Variants in CDH13 observed in about 807,000 individuals in gnomAD.
CDH13 encodes the protein cadherin 13.
A neutral mutation model predicts 63.8 loss-of-function variants in CDH13; 24 were observed. The ratio of observed to expected loss-of-function variants is 0.38; its 90% CI spans 0.27 to 0.53. The LOEUF (loss-of-function observed/expected upper bound fraction) is 0.53. CDH13 is among the 20% of genes least tolerant of loss of function. The pLI, the probability that CDH13 is intolerant of heterozygous loss-of-function variation, is 0.85. For missense variants in CDH13, 1,049 were observed against 903.1 expected, an observed-to-expected ratio of 1.16 and a Z score of -2.07; for synonymous variants, 503 against 355.3, an observed-to-expected ratio of 1.42 and a Z score of -4.67.
chr16:83,636,529 C>G (rs182245047), intron 8 of CDH13, among the ~76,000 whole-genome samples: 4 of 152,146 alleles, frequency 2.6e-5, no homozygotes, highest in Admixed American at 1.3e-4. Context: ...GACTGAGAAC[C>G]TGCAGTGTTT....
chr16:83,108,161 G>A (rs1177861135), intron 3 of CDH13, among the ~76,000 whole-genome samples: 1 of 151,888 alleles, frequency 6.6e-6, no homozygotes, highest in Admixed American at 6.6e-5. Flanking sequence ...TTCATTCCCC[G>A]GGTATGTAGT....
intron 2 of CDH13, among the ~76,000 whole-genome samples, chr16:82,927,014 G>C (rs1197511604): frequency 7.8e-6 from 1 of 127,800 alleles, no homozygotes; most frequent in Non-Finnish European, 1.9e-5. Flanking sequence ...AGGGTAGCTT[G>C]AAGGCTGGGG....
chr16:83,678,540 C>T (rs1915151685), intron 10 of CDH13, 79 bp downstream of exon 10: 2 of 1,510,320 alleles, frequency 1.3e-6, no homozygotes, highest in Non-Finnish European at 9.1e-7. Context: ...AGCTGGTTGT[C>T]AGGAGCAGAC....
chr16:83,384,139 C>A (rs2091625630), intron 6 of CDH13, among the ~76,000 whole-genome samples: 1 of 152,138 alleles, frequency 6.6e-6, no homozygotes, highest in South Asian at 2.1e-4. Flanking sequence ...CAATTCCAAT[C>A]TAATATCTAA....
intron 5 of CDH13, among the ~76,000 whole-genome samples, chr16:83,333,881 A>C (rs531360246): frequency 1.3e-5 from 2 of 152,318 alleles, no homozygotes; most frequent in African/African-American, 4.8e-5. Flanking sequence ...TGGCCACTGT[A>C]TTAATGTCCT....
chr16:83,206,250 G>A (rs563785261), intron 4 of CDH13, among the ~76,000 whole-genome samples: 1 of 152,134 alleles, frequency 6.6e-6, no homozygotes, highest in African/African-American at 2.4e-5. Context: ...AAGCCCTCTG[G>A]CCGTGATTTC....
chr16:82,875,689 A>G (rs908421383), intron 2 of CDH13, among the ~76,000 whole-genome samples: 8 of 152,226 alleles, frequency 5.3e-5, no homozygotes, highest in Admixed American at 5.2e-4. Context: ...CAAAGATTTT[A>G]TCTATCTCAA....
intron 1 of CDH13, among the ~76,000 whole-genome samples, chr16:82,775,580 C>T (rs2035456300): frequency 6.6e-6 from 1 of 152,126 alleles, no homozygotes. Context: ...ACTCTGTTAT[C>T]CCCCATTTTA....
At chr16:83,568,175 C>G (rs191482074) in intron 7 of CDH13, among the ~76,000 whole-genome samples, 17 of 151,288 alleles carry the variant, frequency 1.1e-4, no homozygotes, top group Non-Finnish European at 1.0e-4. Flanking sequence ...AAATGACACT[C>G]ACCCCAAAAC....
chr16:83,187,007 G>T (rs558410294), intron 4 of CDH13, among the ~76,000 whole-genome samples: 10 of 151,816 alleles, frequency 6.6e-5, no homozygotes, highest in Admixed American at 5.9e-4. Context: ...GTCTCGCTCT[G>T]TCACCCAGGC....
chr16:83,025,378 G>A (rs957855783), intron 2 of CDH13, among the ~76,000 whole-genome samples: 1 of 152,118 alleles, frequency 6.6e-6, no homozygotes, highest in Admixed American at 6.6e-5. Context: ...GCATGGCTGG[G>A]GAGGCCTCAG....
At position 82,954,758 on chromosome 16, in the gene CDH13, A is replaced by C. The variant is rs1416314488; in HGVS notation, c.158-77252A>C. The C allele has an allele frequency of 3.3e-5, 5 of 151,930 alleles. No individual in the cohort carries two copies. The East Asian group carries it at 9.7e-4, about 29-fold the overall frequency. 9.4% of individuals were successfully genotyped at this position (151,930 alleles called of 1,614,324 possible). ...TATTTTTTAAATCTCCTGGAAAAAA[A>C]AAAAAACACTATCCTGAGTCATACC... is the stretch of plus-strand genomic sequence containing the variant. On this transcript the variant is annotated intron_variant, in intron 2 of 13. Coordinates refer to ENST00000567109, the MANE Select transcript of CDH13 (RefSeq NM_001257.5).
intron 10 of CDH13, among the ~76,000 whole-genome samples, chr16:83,714,150 C>T (rs1228023882): frequency 1.3e-5 from 2 of 152,150 alleles, no homozygotes; most frequent in Non-Finnish European, 2.9e-5. Context: ...ATAGATGCCG[C>T]AGAAGCCACA....
chr16:82,718,972 C>T lies in CDH13; in HGVS notation c.45+91835C>T, dbSNP rs540452045. 1.4e-3 allele frequency among the ~76,000 whole-genome samples: 219 copies of T among 152,240 alleles called. 1 individual carries two copies. The highest frequency in any genetic ancestry group is 2.3e-3 in the Non-Finnish European group (159 of 68,016). On this transcript the variant is annotated intron_variant, in intron 1 of 13. Transcript: ENST00000567109. ...TGGTGCGTGTTGGATGCATGTGGTC[C>T]GTATCTGTTCTGGTTGATTGATGCC...
intron 1 of CDH13, among the ~76,000 whole-genome samples, chr16:82,850,934 A>G (rs188257): frequency 0.89 from 136,103 of 152,252 alleles, 61,929 homozygotes; most frequent in East Asian, 0.99. Flanking sequence ...TAGTATAAAC[A>G]TAACTTTTAT....
chr16:82,978,320 C>G (rs115569729), intron 2 of CDH13, among the ~76,000 whole-genome samples: 58 of 152,330 alleles, frequency 3.8e-4, no homozygotes, highest in African/African-American at 1.4e-3. Flanking sequence ...AAATTCAAGG[C>G]TGTTGCAGAA....
chr16:82,855,282 G>A (rs2151160447), intron 1 of CDH13, among the ~76,000 whole-genome samples: 1 of 152,208 alleles, frequency 6.6e-6, no homozygotes, highest in Non-Finnish European at 1.5e-5. Context: ...AGACAAAGAT[G>A]GAGAACACAG....
At chr16:83,246,266 A>G (rs1904982030) in intron 5 of CDH13, among the ~76,000 whole-genome samples, 1 of 152,224 alleles carries the variant, frequency 6.6e-6, no homozygotes, top group South Asian at 2.1e-4. Flanking sequence ...GGGAAATTTT[A>G]TGCAAAAACT....
intron 6 of CDH13, among the ~76,000 whole-genome samples, chr16:83,383,397 G>T (rs530879899): frequency 6.6e-6 from 1 of 151,978 alleles, no homozygotes; most frequent in African/African-American, 2.4e-5. Flanking sequence ...CCAGATCATC[G>T]ATCTTGTGAT....
Sources: allele counts gnomAD v4.1 joint callset (sites outside exome capture counted in the v4.1 genomes callset), GRCh38; gene constraint gnomAD v4.1.1; transcripts MANE v1.5; gene names NCBI Gene and HGNC (gene_info 2026-07-23, HGNC 2026-07-21).